KALRN: variants seen among roughly 807,000 people sequenced by gnomAD.
KALRN encodes the protein kalirin RhoGEF kinase.
KALRN carries 70 observed loss-of-function variants against 353.7 expected under a neutral mutation model. The observed-to-expected ratio is 0.20, with a 90% CI of 0.16 to 0.24. KALRN has a LOEUF of 0.24. Among genes scored for constraint, KALRN ranks in the 10% least tolerant of loss-of-function variants. The pLI is 1.00. For missense variants in KALRN, 2,791 were observed against 3,756.7 expected, an observed-to-expected ratio of 0.74 and a Z score of 6.72; for synonymous variants, 1,391 against 1,434.8, an observed-to-expected ratio of 0.97 and a Z score of 0.69.
At chr3:124,429,771 G>T (rs1460660258) in intron 15 of KALRN, among the ~76,000 whole-genome samples, 1 of 152,142 alleles carries the variant, frequency 6.6e-6, no homozygotes, top group Non-Finnish European at 1.5e-5. Flanking sequence ...GTTGTATTCA[G>T]CCTACCCATG....
chr3:124,304,121 G>T (rs1453067627), intron 6 of KALRN, among the ~76,000 whole-genome samples: 22 of 86,626 alleles, frequency 2.5e-4, no homozygotes, highest in Non-Finnish European at 4.3e-4. Flanking sequence ...TCTAGATTTT[G>T]TTGTAAACAC....
At chr3:124,715,447 AAG>A (rs1481694467) in intron 58 of KALRN, among the ~76,000 whole-genome samples, 1 of 152,198 alleles carries the variant, frequency 6.6e-6, no homozygotes, top group Admixed American at 6.5e-5. Context: ...CTTGGTGGCT[AAG>A]ACTCTCTCAC....
At chr3:124,521,395 T>G (rs2067149723) in intron 33 of KALRN, among the ~76,000 whole-genome samples, 1 of 152,174 alleles carries the variant, frequency 6.6e-6, no homozygotes, top group Non-Finnish European at 1.5e-5. Context: ...GATCAACTGA[T>G]GAAACTGAGA....
intron 33 of KALRN, among the ~76,000 whole-genome samples, chr3:124,513,937 C>T (rs2066245340): frequency 6.6e-6 from 1 of 152,146 alleles, no homozygotes; most frequent in Admixed American, 6.5e-5. Flanking sequence ...CTGGGGTCAA[C>T]ATGAGCAGCA....
chr3:124,269,294 G>A (rs1477875523), intron 5 of KALRN, 39 bp downstream of exon 5: 2 of 1,540,116 alleles, frequency 1.3e-6, no homozygotes, highest in Admixed American at 2.0e-5. Flanking sequence ...CGGGATGGGG[G>A]TGAGGGAGCA....
chr3:124,492,266 A>C (rs1471575953), intron 31 of KALRN, among the ~76,000 whole-genome samples: 3 of 152,236 alleles, frequency 2.0e-5, no homozygotes, highest in African/African-American at 4.8e-5. Flanking sequence ...AGCTTGCCAC[A>C]AACCCAGGAC....
intron 45 of KALRN, among the ~76,000 whole-genome samples, chr3:124,665,943 C>G (rs1345081281): frequency 6.6e-6 from 1 of 152,196 alleles, no homozygotes; most frequent in Non-Finnish European, 1.5e-5. Flanking sequence ...ATCAGAGTAT[C>G]TGTGGTCCTG....
At chr3:124,229,033 A>G (rs985428655) in intron 2 of KALRN, among the ~76,000 whole-genome samples, 2 of 152,208 alleles carry the variant, frequency 1.3e-5, no homozygotes, top group Non-Finnish European at 2.9e-5. Context: ...ATAATCTAGA[A>G]TAATTGCCCT....
In KALRN at chr3:124,563,086, A is replaced by C; in HGVS notation, c.5179A>C (p.Lys1727Gln). ...GATGGACTGCTTCTTCCCCTTGGTG[A>C]AAGGTAGGAGAACAGAGCGGGTGGG... is the stretch of plus-strand genomic sequence containing the variant. ...VEMDCFFPLVKDAYSHSSSEN... is the reference protein window; with the variant it reads ...VEMDCFFPLVQDAYSHSSSEN... Residue 1727 changes from lysine to glutamine, a missense_variant, in exon 34 of 60, where the codon AAA (lysine) becomes CAA (glutamine). Coordinates refer to ENST00000682506, the MANE Select transcript of KALRN (RefSeq NM_001388419.1). 1 of 1,367,366 alleles carries C rather than the reference A, an allele frequency of 7.3e-7. No homozygotes were observed. Among genetic ancestry groups the C allele is most frequent in the Non-Finnish European group, 9.8e-7 (1 of 1,021,852 alleles). The allele number at this position is 1,367,366 out of a possible 1,614,324, so 84.7% of individuals were successfully genotyped here.
At chr3:124,068,197 A>C (rs1414518400) in intron 1 of KALRN, among the ~76,000 whole-genome samples, 1 of 152,156 alleles carries the variant, frequency 6.6e-6, no homozygotes, top group East Asian at 1.9e-4. Flanking sequence ...TCCCAATTCT[A>C]GAAGTTGGGG....
chr3:124,610,274 G>A (rs1578323971), intron 34 of KALRN, among the ~76,000 whole-genome samples: 1 of 152,190 alleles, frequency 6.6e-6, no homozygotes, highest in African/African-American at 2.4e-5. Context: ...GGAGGTGACT[G>A]AAAAGATAGT....
chr3:124,285,884 C>T (rs900210601), intron 5 of KALRN, among the ~76,000 whole-genome samples: 1 of 152,090 alleles, frequency 6.6e-6, no homozygotes, highest in South Asian at 2.1e-4. Context: ...TGCCACATTT[C>T]AAATATTCAA....
chr3:124,476,783 C>A (rs1333431245), intron 26 of KALRN, among the ~76,000 whole-genome samples: 2 of 152,182 alleles, frequency 1.3e-5, no homozygotes, highest in African/African-American at 2.4e-5. Context: ...GCCCCTCAAC[C>A]TTTCTCCAAT....
At chr3:124,606,224 C>T (rs2077334081) in intron 34 of KALRN, among the ~76,000 whole-genome samples, 1 of 152,152 alleles carries the variant, frequency 6.6e-6, no homozygotes, top group African/African-American at 2.4e-5. Context: ...AATTATACTT[C>T]GGGGCAATTA....
intron 14 of KALRN, among the ~76,000 whole-genome samples, chr3:124,416,197 C>G (rs1024016280): frequency 6.6e-6 from 1 of 152,230 alleles, no homozygotes. Flanking sequence ...GGAGGCTTGT[C>G]TGCCTGGAAA....
chr3:124,114,334 A>C (rs1188832617), intron 1 of KALRN, among the ~76,000 whole-genome samples: 2 of 152,206 alleles, frequency 1.3e-5, no homozygotes, highest in Non-Finnish European at 2.9e-5. Context: ...TTCTTTAGCC[A>C]ATGCCGTGGG....
intron 8 of KALRN, among the ~76,000 whole-genome samples, chr3:124,333,356 ACT>A (rs1204142811): frequency 6.6e-6 from 1 of 152,204 alleles, no homozygotes; most frequent in Non-Finnish European, 1.5e-5. Flanking sequence ...ATGTGTGTTA[ACT>A]CATTTAATCC....
At chr3:124,462,051 C>G in intron 24 of KALRN, 95 bp downstream of exon 24, 1 of 870,166 alleles carries the variant, frequency 1.1e-6, no homozygotes. Context: ...TATTGGTCTT[C>G]TCCCAGAGAG....
At chr3:124,677,633 A>G in intron 49 of KALRN, 1 of 456,000 alleles carries the variant, frequency 2.2e-6, no homozygotes, top group Admixed American at 2.4e-5. Flanking sequence ...TCAACTGTTT[A>G]TTAAGCAAAT....
Sources: gnomAD v4.1 joint callset for allele counts (sites outside exome capture counted in the v4.1 genomes callset) on GRCh38, gnomAD v4.1.1 for gene constraint, MANE v1.5 for transcripts, NCBI Gene and HGNC (gene_info 2026-07-23, HGNC 2026-07-21) for gene names.